Variants in MYH6 observed in about 807,000 individuals in gnomAD.
MYH6 encodes myosin heavy chain 6.
A neutral mutation model predicts 223.2 loss-of-function variants in MYH6; 126 were observed. That is an observed-to-expected ratio of 0.56 (90% CI 0.49 to 0.65). MYH6 has a LOEUF of 0.65. MYH6 is among the 30% of genes least tolerant of loss of function. The pLI is 0.00. For synonymous variants in MYH6, 978 were observed against 1,010.2 expected (o/e 0.97, Z 0.61); for missense variants, 2,040 against 2,536.4 (o/e 0.80, Z 4.20).
chr14:23,387,926 G>T lies in MYH6; in HGVS notation c.4360-3C>A. 1 of 1,613,342 alleles carries T rather than the reference G, an allele frequency of 6.2e-7. No homozygotes were observed. The highest frequency in any genetic ancestry group is 2.2e-5 in the East Asian group (1 of 44,862). ...TTCTGCTTCCACTCGGCCAGGATCT[G>T]CCCGGGGACAAGGCTCACTCTTCAG... is the stretch of plus-strand genomic sequence containing the variant. On this transcript the variant is annotated splice_region_variant and splice_polypyrimidine_tract_variant and intron_variant, in intron 30 of 38. Transcript: ENST00000405093.
chr14:23,396,747 G>C lies in MYH6; in HGVS notation c.2239C>G (p.Leu747Val), dbSNP rs766470440. The change falls in exon 19 of 39, where the codon CTG becomes GTG. Residue 747 changes from leucine (L) to valine (V), a missense_variant. By Grantham distance (32) the Leu-to-Val change is conservative. Around this residue, in one of 4 missense-constraint regions of MYH6, gnomAD observed 649 missense variants for 877.3 expected, o/e 0.74. Coordinates refer to ENST00000405093, the MANE Select transcript of MYH6 (RefSeq NM_002471.4). ...FIDSRKGTEK[L>V]LSSLDIDHNQ... is the part of the protein sequence containing the mutation. Reference sequence around the variant, plus strand: ...TGATCAATGTCCAGAGAGCTGAGCAGCTTCTCTGTCCCCTTCCTGCTATCA... The same window carrying C: ...TGATCAATGTCCAGAGAGCTGAGCACCTTCTCTGTCCCCTTCCTGCTATCA... The C allele has an allele frequency of 6.2e-7, 1 of 1,614,016 alleles. No homozygotes were observed. The highest frequency in any genetic ancestry group is 1.7e-5 in the Admixed American group (1 of 60,024).
intron 30 of MYH6, 76 bp from the exon 31 acceptor site, chr14:23,387,999 C>T (rs955904740): frequency 6.8e-6 from 11 of 1,606,478 alleles, no homozygotes; most frequent in Non-Finnish European, 8.5e-6. Flanking sequence ...GTGCCCCAGC[C>T]CCCAGCCTCA....
Position 23,402,346 on chromosome 14 carries a change from A to G in MYH6, c.1141+118T>C, listed in dbSNP as rs1054554040. Reference sequence around the variant, plus strand: ...CACGTCTCCCACGTCCCTGTCCCTCACCATCCCACAACACACCCCACTGCC... The same window carrying G: ...CACGTCTCCCACGTCCCTGTCCCTCGCCATCCCACAACACACCCCACTGCC... On this transcript the variant is annotated intron_variant, in intron 12 of 38. Transcript: ENST00000405093. 4.7e-6 allele frequency: 7 copies of G among 1,498,804 alleles called. No homozygotes were observed. In the African/African-American group the frequency reaches 8.3e-5, roughly 18 times the overall value. The allele number at this position is 1,498,804 out of a possible 1,614,324, so 92.8% of individuals were successfully genotyped here.
In MYH6 at chr14:23,400,792, G is replaced by T; in HGVS notation, c.1327C>A (p.Arg443Ser). The change falls in exon 13 of 39, where the codon CGC becomes AGC. Residue 443 changes from arginine to serine, a missense_variant. By Grantham distance (110) the Arg-to-Ser change is moderately radical. Around this residue, in one of 4 missense-constraint regions of MYH6, gnomAD observed 649 missense variants for 877.3 expected, o/e 0.74. Coordinates refer to ENST00000405093, the MANE Select transcript of MYH6 (RefSeq NM_002471.4). Reference protein sequence around the residue: ...YEKMFNWMVTRINATLETKQP... With the variant: ...YEKMFNWMVTSINATLETKQP... ...TTGGTCTCCAGGGTGGCGTTGATGC[G>T]CGTCACCATCCAGTTGAACATCTTC... The T allele has an allele frequency of 1.1e-5, 17 of 1,614,202 alleles. No individual in the cohort carries two copies. Among genetic ancestry groups the T allele is most frequent in the Non-Finnish European group, 1.4e-5 (17 of 1,180,050 alleles).
chr14:23,393,489 C>G lies in MYH6; in HGVS notation c.2958G>C (p.Gly986=), dbSNP rs769651526. 3.1e-6 allele frequency: 5 copies of G among 1,614,042 alleles called. No individual in the cohort carries two copies. The Admixed American group carries it at 5.0e-5, about 16-fold the overall frequency. The change falls in exon 23 of 39, where the codon GGG becomes GGC. Residue 986 remains glycine (G), a synonymous_variant. Transcript: ENST00000405093. ...KVKNLTEEMA[G]LDEIIAKLTK... Reference sequence around the variant, plus strand: ...TCAGCTTAGCGATGATTTCATCCAGCCCAGCCATCTCCTCTGTTAGGTTCT... The same window carrying G: ...TCAGCTTAGCGATGATTTCATCCAGGCCAGCCATCTCCTCTGTTAGGTTCT...
At chr14:23,385,151 A>G in intron 34 of MYH6, 110 bp from the exon 35 acceptor site, 1 of 1,376,478 alleles carries the variant, frequency 7.3e-7, no homozygotes, top group Non-Finnish European at 1.0e-6. Flanking sequence ...TTAAAACAAC[A>G]AGCCCACTTT....
rs570002418 is a variant in MYH6 at position 23,401,105 on chromosome 14, C to A, written c.1142-128G>T. 1.0e-5 allele frequency: 15 copies of A among 1,459,146 alleles called. No individual in the cohort carries two copies. In the African/African-American group the frequency reaches 2.1e-4, roughly 21 times the overall value. The allele number at this position is 1,459,146 out of a possible 1,614,324, so 90.4% of individuals were successfully genotyped here. A position where few individuals can be genotyped will look rare whatever the true frequency, so the allele number is the denominator to read the frequency against. On this transcript the variant is annotated intron_variant, in intron 12 of 38. Coordinates refer to ENST00000405093, the MANE Select transcript of MYH6 (RefSeq NM_002471.4). ...CACTACAGCCTCCACCTCCTGGGTTCAAGTGATTTTCCTGCCTCAGCCTCC... is the reference window on the plus strand; with the variant it reads ...CACTACAGCCTCCACCTCCTGGGTTAAAGTGATTTTCCTGCCTCAGCCTCC...
intron 32 of MYH6, 93 bp from the exon 33 acceptor site, chr14:23,386,716 G>T: frequency 1.4e-6 from 2 of 1,437,714 alleles, no homozygotes; most frequent in Non-Finnish European, 9.4e-7. Context: ...CAGGACTATC[G>T]CCCAGAGAAG....
At position 23,405,579 on chromosome 14, in the gene MYH6, G is replaced by T; in HGVS notation, c.345+48C>A. On this transcript the variant is annotated intron_variant, in intron 4 of 38. Transcript: ENST00000405093. This position sits in a 1 kb window ranked among gnomAD's most constrained non-coding sequence, Gnocchi z 4.7. ...GGGAGAGCCCCCCTGGCTTATTTAG[G>T]CCTCCACGCAGCACAGGAAGCCTCT... 1.2e-6 allele frequency: 2 copies of T among 1,613,456 alleles called. No homozygotes were observed. Among genetic ancestry groups the T allele is most frequent in the Non-Finnish European group, 1.7e-6 (2 of 1,179,672 alleles).
chr14:23,389,756 G>C (rs1246743333), intron 26 of MYH6, 37 bp from the exon 27 acceptor site: 1 of 1,614,102 alleles, frequency 6.2e-7, no homozygotes, highest in Admixed American at 1.7e-5. Flanking sequence ...AGTGTGGGAG[G>C]GGCTGAGTCG....
In MYH6 at chr14:23,387,819, G is replaced by A. The variant is rs376781285; in HGVS notation, c.4464C>T (p.Asn1488=). 6.3e-5 allele frequency: 101 copies of A among 1,613,952 alleles called. 1 individual carries two copies. Among genetic ancestry groups the A allele is most frequent in the Middle Eastern group, 1.6e-4 (1 of 6,084 alleles). ...GGTGCTCCAGGGACTCCTCGTAGGC[G>A]TTCTTGAGCTTGAAGAGCTCTGTGC... is the stretch of plus-strand genomic sequence containing the variant. ...SLSTELFKLK[N]AYEESLEHLE... is the part of the protein sequence containing the mutation. The change falls in exon 31 of 39, where the codon AAC becomes AAT. Residue 1488 remains asparagine, a synonymous_variant. Transcript: ENST00000405093.
rs1262801085 is a variant in MYH6, at chr14:23,396,731, T to A, written c.2255A>T (p.Asp752Val). 6.2e-7 allele frequency: 1 copy of A among 1,614,022 alleles called. No homozygotes were observed. The highest frequency in any genetic ancestry group is 1.7e-5 in the Admixed American group (1 of 60,026). Residue 752 changes from aspartate to valine, a missense_variant, in exon 19 of 39, where the codon GAC becomes GTC. Physicochemically the swap from Asp to Val is radical, Grantham distance 152 (BLOSUM62 -3). This residue lies in a region of MYH6 where 649 missense variants were observed against 877.3 expected (regional missense o/e 0.74). Transcript: ENST00000405093. ...KGTEKLLSSL[D>V]IDHNQYKFGH... ...AAACTTGTACTGGTTGTGATCAATGTCCAGAGAGCTGAGCAGCTTCTCTGT... is the reference window on the plus strand; with the variant it reads ...AAACTTGTACTGGTTGTGATCAATGACCAGAGAGCTGAGCAGCTTCTCTGT...
At chr14:23,402,407 C>T (rs1891629251) in intron 12 of MYH6, 57 bp downstream of exon 12, 1 of 1,608,052 alleles carries the variant, frequency 6.2e-7, no homozygotes, top group Non-Finnish European at 8.5e-7. Context: ...CTGAGTCCCG[C>T]AGAGAGCCTG....
intron 10 of MYH6, 139 bp downstream of exon 10, chr14:23,403,209 G>A: frequency 1.3e-6 from 1 of 790,396 alleles, no homozygotes; most frequent in Non-Finnish European, 2.3e-6. Flanking sequence ...GAGGGAGCTG[G>A]CGGAGTGAGT....
At chr14:23,382,144 G>A (rs1890881108) in intron 38 of MYH6, 81 bp from the exon 39 acceptor site, 1 of 1,379,418 alleles carries the variant, frequency 7.2e-7, no homozygotes, top group Non-Finnish European at 1.0e-6. Context: ...GGCTTTCAGA[G>A]GCCTAAGGGA....
Position 23,396,269 on chromosome 14 carries a change from TTCC to T in MYH6, c.2429+12_2429+14del, listed in dbSNP as rs1226881898. ...TACATCTCTAGTGCATGCCTCCCTTTTCCTCCTGTCTCACCTGCGTTCCACTAT... is the reference window on the plus strand; with the variant it reads ...TACATCTCTAGTGCATGCCTCCCTTTTCCTGTCTCACCTGCGTTCCACTAT... On this transcript the variant is annotated intron_variant, in intron 20 of 38. Coordinates refer to ENST00000405093, the MANE Select transcript of MYH6 (RefSeq NM_002471.4). 1 of 1,613,968 alleles carries T rather than the reference TTCC, an allele frequency of 6.2e-7. No individual in the cohort carries two copies. The highest frequency in any genetic ancestry group is 2.2e-5 in the East Asian group (1 of 44,904).
chr14:23,392,751 C>T (rs1419217896), intron 24 of MYH6, 99 bp from the exon 25 acceptor site: 3 of 1,449,608 alleles, frequency 2.1e-6, no homozygotes, highest in African/African-American at 2.8e-5. Flanking sequence ...CGGCACCTCC[C>T]CCTCCCCTCG....
At chr14:23,396,847 T>C in intron 18 of MYH6, 30 bp from the exon 19 acceptor site, 1 of 1,613,692 alleles carries the variant, frequency 6.2e-7, no homozygotes, top group Non-Finnish European at 8.5e-7. Flanking sequence ...GAGTCACCCA[T>C]GCTCTGCAGT....
At position 23,394,406 on chromosome 14, in the gene MYH6, C is replaced by T. The variant is rs1013690093; in HGVS notation, c.2430-83G>A. 3.2e-6 allele frequency: 5 copies of T among 1,559,986 alleles called. No individual in the cohort carries two copies. The Admixed American group carries it at 5.4e-5, about 17-fold the overall frequency. On this transcript the variant is annotated intron_variant, in intron 20 of 38. Coordinates refer to ENST00000405093, the MANE Select transcript of MYH6 (RefSeq NM_002471.4). ...GGGCCCTACTAAGCAAGTTCGTAGG[C>T]ACGTAGACTTCCTTCTTGTGCACAC... is the stretch of plus-strand genomic sequence containing the variant.
Sources: gnomAD v4.1 joint callset for allele counts on GRCh38, gnomAD v4.1.1 for gene constraint, gnomAD v4.1.1 regional missense constraint, Gnocchi (gnomAD v3.1) non-coding constraint, MANE v1.5 for transcripts, NCBI Gene and HGNC (gene_info 2026-07-23, HGNC 2026-07-21) for gene names.